ZRANB3: variants seen among roughly 807,000 people sequenced by gnomAD.
The protein encoded by ZRANB3 is zinc finger RANBP2-type containing 3, also known as DNA annealing helicase and endonuclease ZRANB3.
In ZRANB3, 125 loss-of-function variants were observed where a neutral mutation model predicts 133.8. That is an observed-to-expected ratio of 0.93 (90% CI 0.81 to 1.08). ZRANB3 has a LOEUF of 1.08. Ranked by LOEUF, ZRANB3 falls within the 50% of genes least tolerant of loss-of-function variation. The probability of loss-of-function intolerance (pLI) is 0.00; values close to 1 mark genes in which losing one functional copy is unlikely to be tolerated. For synonymous variants in ZRANB3, 387 were observed against 432.7 expected, an observed-to-expected ratio of 0.89 and a Z score of 1.31; for missense variants, 1,229 against 1,275.5, an observed-to-expected ratio of 0.96 and a Z score of 0.56.
intron 12 of ZRANB3, among the ~76,000 whole-genome samples, chr2:135,239,702 G>C (rs1340573739): frequency 6.6e-6 from 1 of 152,258 alleles, no homozygotes; most frequent in Admixed American, 6.5e-5. Flanking sequence ...ATTAAAGAAA[G>C]AGCGGGCCAG....
chr2:135,507,659 C>CA (rs1471238352), intron 1 of ZRANB3, among the ~76,000 whole-genome samples: 1 of 145,220 alleles, frequency 6.9e-6, no homozygotes, highest in East Asian at 2.0e-4. Context: ...TTCAAGACTC[C>CA]TTTTTTTTTT....
chr2:135,517,083 T>G (rs1314870037), intron 1 of ZRANB3, among the ~76,000 whole-genome samples: 2 of 151,962 alleles, frequency 1.3e-5, no homozygotes, highest in African/African-American at 4.8e-5. Flanking sequence ...TATTTGTGTA[T>G]GATTCACAAA....
At position 135,275,682 on chromosome 2, in the gene ZRANB3, T is replaced by C. The variant is rs1573810873; in HGVS notation, c.1040A>G (p.His347Arg). The C allele has an allele frequency of 4.4e-6, 7 of 1,608,666 alleles. No individual in the cohort carries two copies. Among genetic ancestry groups the C allele is most frequent in the South Asian group, 1.1e-5 (1 of 89,908 alleles). Residue 347 changes from histidine to arginine, a missense_variant, in exon 9 of 21, where the codon CAT becomes CGT. Physicochemically the swap from His to Arg is conservative, Grantham distance 29. Transcript: ENST00000264159. ...DSLKFLVFAHHLSMLQACTEA... is the reference protein window; with the variant it reads ...DSLKFLVFAHRLSMLQACTEA... ...TGTGCAAGCTTGGAGCATGCTTAAA[T>C]GGTGAGCAAAAACCAGAAATTTAAG...
intron 2 of ZRANB3, among the ~76,000 whole-genome samples, chr2:135,429,254 GA>G (rs1190838403): frequency 6.6e-6 from 1 of 152,128 alleles, no homozygotes; most frequent in Non-Finnish European, 1.5e-5. Context: ...TGGACCTAGA[GA>G]CCGTTATCCT....
At chr2:135,438,944 C>T (rs1327239984) in intron 2 of ZRANB3, among the ~76,000 whole-genome samples, 1 of 152,076 alleles carries the variant, frequency 6.6e-6, no homozygotes, top group African/African-American at 2.4e-5. Flanking sequence ...CTGATACAGG[C>T]TGAGTCAGAT....
chr2:135,384,454 A>C (rs898680697), intron 3 of ZRANB3, among the ~76,000 whole-genome samples: 2 of 152,330 alleles, frequency 1.3e-5, no homozygotes, highest in African/African-American at 4.8e-5. Flanking sequence ...AAACTATTCC[A>C]ATCAATAGAA....
chr2:135,370,937 G>A (rs1237601217), intron 3 of ZRANB3, among the ~76,000 whole-genome samples: 2 of 152,184 alleles, frequency 1.3e-5, no homozygotes, highest in Non-Finnish European at 2.9e-5. Context: ...CATTTCCCCT[G>A]CTTGCACTCA....
At chr2:135,277,587 A>T (rs534533528) in intron 8 of ZRANB3, among the ~76,000 whole-genome samples, 1 of 152,370 alleles carries the variant, frequency 6.6e-6, no homozygotes, top group East Asian at 1.9e-4. Context: ...TGGATAATTC[A>T]TTGGTTATTA....
At chr2:135,429,988 T>C (rs978977292) in intron 2 of ZRANB3, among the ~76,000 whole-genome samples, 17 of 151,950 alleles carry the variant, frequency 1.1e-4, no homozygotes, top group South Asian at 6.2e-4. Flanking sequence ...TTAGGCAACA[T>C]GGTGAAAACC....
At chr2:135,208,092 G>T (rs2105039864) in intron 18 of ZRANB3, among the ~76,000 whole-genome samples, 1 of 152,224 alleles carries the variant, frequency 6.6e-6, no homozygotes, top group South Asian at 2.1e-4. Flanking sequence ...TGTGTTAAAC[G>T]ATCTGGAAAC....
At chr2:135,474,830 T>C (rs1471247955) in intron 2 of ZRANB3, among the ~76,000 whole-genome samples, 1 of 152,206 alleles carries the variant, frequency 6.6e-6, no homozygotes, top group Non-Finnish European at 1.5e-5. Context: ...GAAAGTTCAA[T>C]ATCTAGGTGT....
intron 12 of ZRANB3, among the ~76,000 whole-genome samples, chr2:135,252,258 TG>T (rs1679435634): frequency 6.6e-6 from 1 of 152,150 alleles, no homozygotes; most frequent in African/African-American, 2.4e-5. Flanking sequence ...GCTTAATACC[TG>T]GGTGATGAAA....
At chr2:135,404,637 G>C (rs983237898) in intron 2 of ZRANB3, among the ~76,000 whole-genome samples, 5 of 152,112 alleles carry the variant, frequency 3.3e-5, no homozygotes, top group Admixed American at 3.3e-4. Flanking sequence ...GCAACTCCAA[G>C]ACACACAATT....
At chr2:135,261,319 C>T (rs1442645111) in intron 12 of ZRANB3, among the ~76,000 whole-genome samples, 1 of 152,132 alleles carries the variant, frequency 6.6e-6, no homozygotes, top group Admixed American at 6.6e-5. Context: ...TACCTGCCAA[C>T]AAATTGAACA....
At chr2:135,348,943 A>AT (rs1430587725) in intron 5 of ZRANB3, among the ~76,000 whole-genome samples, 1 of 151,956 alleles carries the variant, frequency 6.6e-6, no homozygotes, top group African/African-American at 2.4e-5. Flanking sequence ...ACGTTTCATG[A>AT]TTTTTTTTAA....
At chr2:135,428,929 G>A (rs1189877409) in intron 2 of ZRANB3, among the ~76,000 whole-genome samples, 1 of 152,192 alleles carries the variant, frequency 6.6e-6, no homozygotes, top group Non-Finnish European at 1.5e-5. Flanking sequence ...TTTATACACC[G>A]CTTGTGGGAA....
chr2:135,287,819 C>G (rs527645379), intron 8 of ZRANB3, among the ~76,000 whole-genome samples: 16 of 152,064 alleles, frequency 1.1e-4, no homozygotes, highest in South Asian at 4.2e-4. Flanking sequence ...TTTATCAGAT[C>G]TAGGAGCTCT....
intron 8 of ZRANB3, among the ~76,000 whole-genome samples, chr2:135,291,158 G>A (rs1417122108): frequency 6.6e-6 from 1 of 151,480 alleles, no homozygotes; most frequent in African/African-American, 2.4e-5. Context: ...CACTGCGCCT[G>A]GCCCGGGAAC....
intron 17 of ZRANB3, among the ~76,000 whole-genome samples, chr2:135,215,728 A>C (rs1362470225): frequency 6.6e-6 from 1 of 152,172 alleles, no homozygotes; most frequent in Non-Finnish European, 1.5e-5. Context: ...CATAAAGTGT[A>C]AAGTCCCTAC....
Sources: gnomAD v4.1 joint callset for allele counts (sites outside exome capture counted in the v4.1 genomes callset) on GRCh38, gnomAD v4.1.1 for gene constraint, MANE v1.5 for transcripts, NCBI Gene and HGNC (gene_info 2026-07-23, HGNC 2026-07-21) for gene names.